Variants in THSD7A observed in about 807,000 individuals in gnomAD.
THSD7A encodes the protein thrombospondin type 1 domain containing 7A.
In THSD7A, 96 loss-of-function variants were observed where a neutral mutation model predicts 231.3. The ratio of observed to expected loss-of-function variants is 0.41; its 90% CI spans 0.35 to 0.49. THSD7A has a LOEUF of 0.49. Ranked by LOEUF, THSD7A falls within the 20% of genes least tolerant of loss-of-function variation. THSD7A has a pLI of 0.05. For missense variants in THSD7A, 2,290 were observed against 2,070.2 expected (o/e 1.11, Z -2.06); for synonymous variants, 940 against 743.3 (o/e 1.26, Z -4.30).
chr7:11,411,246 T>G lies in THSD7A; in HGVS notation c.3759A>C (p.Arg1253=). 6.2e-7 allele frequency: 1 copy of G among 1,613,880 alleles called. No homozygotes were observed. The highest frequency in any genetic ancestry group is 1.1e-5 in the South Asian group (1 of 91,080). ...GIKTRMLDCV[R]SDGKSVDLKY... is the part of the protein sequence containing the mutation. ...TCAGGTCAACTGACTTGCCATCACT[T>G]CGAACACAATCCAACATCCTTGTTT... Residue 1253 remains arginine (R), a synonymous_variant, in exon 19 of 28, where the codon CGA becomes CGC. Coordinates refer to ENST00000423059, the MANE Select transcript of THSD7A (RefSeq NM_015204.3). This position sits in a 1 kb window ranked among gnomAD's most constrained non-coding sequence, Gnocchi z 4.1.
chr7:11,443,290 A>T (rs563984191), intron 13 of THSD7A, among the ~76,000 whole-genome samples: 3 of 152,198 alleles, frequency 2.0e-5, no homozygotes, highest in Admixed American at 1.3e-4. Flanking sequence ...CTTTTAAGTG[A>T]TCTTCAATTT....
At chr7:11,567,064 T>A (rs1264868413) in intron 4 of THSD7A, among the ~76,000 whole-genome samples, 1 of 151,236 alleles carries the variant, frequency 6.6e-6, no homozygotes, top group South Asian at 2.1e-4. Context: ...CCTCCAGTCC[T>A]AACTTACTAA....
intron 1 of THSD7A, among the ~76,000 whole-genome samples, chr7:11,679,955 G>T (rs929182810): frequency 2.0e-5 from 3 of 151,936 alleles, no homozygotes; most frequent in African/African-American, 7.3e-5. Flanking sequence ...ATACTACAAG[G>T]CTACAGTAAC....
intron 9 of THSD7A, 107 bp from the exon 10 acceptor site, chr7:11,462,250 A>T: frequency 8.5e-6 from 11 of 1,289,226 alleles, no homozygotes; most frequent in Non-Finnish European, 1.2e-5. Flanking sequence ...ATGTGCTTTG[A>T]CATCCCTGAG....
intron 4 of THSD7A, among the ~76,000 whole-genome samples, chr7:11,579,596 T>C (rs992001805): frequency 6.6e-6 from 1 of 152,216 alleles, no homozygotes; most frequent in African/African-American, 2.4e-5. Context: ...CTTCTTTCCA[T>C]CTCAGGTTAC....
At chr7:11,382,908 CTG>C (rs1260104279) in intron 23 of THSD7A, among the ~76,000 whole-genome samples, 1 of 148,292 alleles carries the variant, frequency 6.7e-6, no homozygotes, top group Non-Finnish European at 1.5e-5. Context: ...TAGAGAATAA[CTG>C]TATATATATA....
chr7:11,398,525 C>T (rs1284729897), intron 23 of THSD7A, among the ~76,000 whole-genome samples: 2 of 151,708 alleles, frequency 1.3e-5, no homozygotes, highest in African/African-American at 4.8e-5. Context: ...CACATGTACC[C>T]CAGAACTTAA....
intron 13 of THSD7A, among the ~76,000 whole-genome samples, chr7:11,438,816 G>A (rs2128292647): frequency 6.6e-6 from 1 of 152,004 alleles, no homozygotes; most frequent in East Asian, 1.9e-4. Flanking sequence ...AGTGTGCCCG[G>A]CACTTAAACA....
At chr7:11,619,718 C>A (rs748960900) in intron 2 of THSD7A, among the ~76,000 whole-genome samples, 3 of 151,916 alleles carry the variant, frequency 2.0e-5, no homozygotes, top group Non-Finnish European at 4.4e-5. Context: ...CACTGCAACC[C>A]GCCCAATTTA....
intron 6 of THSD7A, among the ~76,000 whole-genome samples, chr7:11,537,380 G>A (rs62432831): frequency 0.029 from 4,430 of 152,266 alleles, 124 homozygotes; most frequent in African/African-American, 0.056. Flanking sequence ...CTGGTGGGAC[G>A]TGATTGGATC....
rs761626143 is a variant in THSD7A at position 11,831,813 on chromosome 7, C to G, written c.134G>C (p.Gly45Ala). ...CGCCTCGCCCTGCGCCGCAGCCCTGCCGGCGCCCGGGCGTAGCAGCAGCAG... is the reference window on the plus strand; with the variant it reads ...CGCCTCGCCCTGCGCCGCAGCCCTGGCGGCGCCCGGGCGTAGCAGCAGCAG... ...LLLLLLRPGA[G>A]RAAAQGEAEA... is the part of the protein sequence containing the mutation. The change falls in exon 1 of 28, where the codon GGC becomes GCC. Residue 45 changes from glycine to alanine, a missense_variant. Transcript: ENST00000423059. This position sits in a 1 kb window ranked among gnomAD's most constrained non-coding sequence, Gnocchi z 5.0. 63 of 1,450,948 alleles carry G rather than the reference C, an allele frequency of 4.3e-5. 1 individual carries two copies. Among genetic ancestry groups the G allele is most frequent in the Admixed American group, 4.1e-4 (18 of 44,316 alleles). The allele number at this position is 1,450,948 out of a possible 1,614,324, so 89.9% of individuals were successfully genotyped here. A position where few individuals can be genotyped will look rare whatever the true frequency, so the allele number is the denominator to read the frequency against.
At chr7:11,495,772 G>C (rs1159222643) in intron 6 of THSD7A, among the ~76,000 whole-genome samples, 1 of 152,256 alleles carries the variant, frequency 6.6e-6, no homozygotes, top group East Asian at 1.9e-4. Flanking sequence ...AATGTGCTGA[G>C]ACTTTTGAAG....
chr7:11,381,362 C>A (rs886992360), intron 24 of THSD7A, among the ~76,000 whole-genome samples: 1 of 152,024 alleles, frequency 6.6e-6, no homozygotes, highest in Admixed American at 6.6e-5. Context: ...CATATCTTCA[C>A]AAGAAAAAAA....
chr7:11,751,121 C>T (rs1583256587), intron 1 of THSD7A: 1 of 152,060 alleles, frequency 6.6e-6, no homozygotes, highest in Non-Finnish European at 1.5e-5. Flanking sequence ...CACCCCAACA[C>T]CCATGTCTTT....
At position 11,373,868 on chromosome 7, in the gene THSD7A, C is replaced by G. The variant is rs1308556739; in HGVS notation, c.*1926G>C. ...AAATATCCTGAAAAGCTAGTGTCCT[C>G]TCTCACAAAGGTTGTTGCAATAATG... is the stretch of plus-strand genomic sequence containing the variant. On this transcript the variant is annotated 3_prime_UTR_variant, in exon 28 of 28. Coordinates refer to ENST00000423059, the MANE Select transcript of THSD7A (RefSeq NM_015204.3). 6.6e-6 allele frequency: 1 copy of G among 152,088 alleles called. No homozygotes were observed. Among genetic ancestry groups the G allele is most frequent in the Non-Finnish European group, 1.5e-5 (1 of 67,976 alleles). The allele number at this position is 152,088 out of a possible 1,614,324, so 9.4% of individuals were successfully genotyped here.
intron 6 of THSD7A, among the ~76,000 whole-genome samples, chr7:11,526,047 C>T (rs1788462088): frequency 6.6e-6 from 1 of 152,148 alleles, no homozygotes; most frequent in Admixed American, 6.5e-5. Flanking sequence ...CCCTTCCTTA[C>T]AGCTGTGGTT....
At chr7:11,467,022 T>G (rs1029895003) in intron 9 of THSD7A, among the ~76,000 whole-genome samples, 1 of 152,108 alleles carries the variant, frequency 6.6e-6, no homozygotes, top group African/African-American at 2.4e-5. Context: ...AGTTTTTCAT[T>G]CCTTTACATC....
intron 6 of THSD7A, among the ~76,000 whole-genome samples, chr7:11,521,223 G>T (rs1788248676): frequency 6.6e-6 from 1 of 151,902 alleles, no homozygotes; most frequent in Admixed American, 6.6e-5. Context: ...TAACCTAGTT[G>T]CTCCATTAGA....
At chr7:11,750,755 C>T (rs2128164673) in intron 1 of THSD7A, among the ~76,000 whole-genome samples, 1 of 152,116 alleles carries the variant, frequency 6.6e-6, no homozygotes, top group Middle Eastern at 3.4e-3. Flanking sequence ...TAAGACTAGT[C>T]TAACGGCAGA....
Sources: gnomAD v4.1 joint callset for allele counts (sites outside exome capture counted in the v4.1 genomes callset) on GRCh38, gnomAD v4.1.1 for gene constraint, Gnocchi (gnomAD v3.1) non-coding constraint, MANE v1.5 for transcripts, NCBI Gene and HGNC (gene_info 2026-07-23, HGNC 2026-07-21) for gene names.